CHTF18: variants seen among roughly 807,000 people sequenced by gnomAD.
The protein encoded by CHTF18 is chromosome transmission fidelity factor 18, also known as chromosome transmission fidelity protein 18 homolog.
Under a neutral mutation model 113.4 loss-of-function variants are expected in CHTF18, and 151 were observed. That is an observed-to-expected ratio of 1.33 (90% confidence interval 1.17 to 1.52). The LOEUF (loss-of-function observed/expected upper bound fraction) is 1.52. Ranked by LOEUF, CHTF18 falls within the 40% of genes most tolerant of loss-of-function variation. CHTF18 has a pLI of 0.00. For missense variants in CHTF18, 1,982 were observed against 1,381.6 expected, an observed-to-expected ratio of 1.43 and a Z score of -6.89; for synonymous variants, 916 against 598.8, an observed-to-expected ratio of 1.53 and a Z score of -7.74.
intron 14 of CHTF18, chr16:793,818 A>G: frequency 6.2e-6 from 4 of 648,156 alleles, no homozygotes; most frequent in Non-Finnish European, 1.1e-5. Context: ...CTAACCCCAG[A>G]GGGTCAGGGC....
At chr16:789,394 C>A in intron 3 of CHTF18, 34 bp downstream of exon 3, 1 of 1,555,132 alleles carries the variant, frequency 6.4e-7, no homozygotes, top group Non-Finnish European at 8.7e-7. Flanking sequence ...CCCATCCCAT[C>A]TGTCCAGTGG....
rs763885075 is a variant in CHTF18 at position 796,473 on chromosome 16, C to T, written c.2457-244C>T. On this transcript the variant is annotated intron_variant, in intron 18 of 21. Coordinates refer to ENST00000262315, the MANE Select transcript of CHTF18 (RefSeq NM_022092.3). ...CACCAACTTGCAGGACGCTGAGTCACTCTCCGTGGCAGCCATCGGCAGGTT... is the reference window on the plus strand; with the variant it reads ...CACCAACTTGCAGGACGCTGAGTCATTCTCCGTGGCAGCCATCGGCAGGTT... The T allele has an allele frequency of 6.8e-6, 4 of 585,362 alleles. No homozygotes were observed. In the Admixed American group the frequency reaches 1.0e-4, roughly 15 times the overall value. The allele number at this position is 585,362 out of a possible 1,614,324, so 36.3% of individuals were successfully genotyped here.
intron 4 of CHTF18, 47 bp downstream of exon 4, chr16:789,762 C>T: frequency 6.6e-7 from 1 of 1,518,534 alleles, no homozygotes; most frequent in Non-Finnish European, 8.8e-7. Context: ...CAGTGCTGCT[C>T]AGGAAAGGGT....
rs1433681402 is a variant in CHTF18 at position 793,041 on chromosome 16, C to T, written c.1648C>T (p.Arg550Trp). ...CTGTGAGAAAACTGACAATGACATC[C>T]GGGCCTGCATCAACACCCTGCAGGT... ...ALCEKTDNDI[R>W]ACINTLQFLY... is the part of the protein sequence containing the mutation. Residue 550 changes from arginine to tryptophan, a missense_variant, in exon 13 of 22, where the codon CGG becomes TGG. Physicochemically the swap from Arg to Trp is moderately radical, Grantham distance 101. Transcript: ENST00000262315. 1.9e-6 allele frequency: 3 copies of T among 1,542,554 alleles called. No homozygotes were observed. The highest frequency in any genetic ancestry group is 2.5e-5 in the East Asian group (1 of 40,154).
chr16:790,873 C>T (rs963676454), intron 7 of CHTF18: 16 of 1,431,274 alleles, frequency 1.1e-5, no homozygotes, highest in African/African-American at 5.7e-5. Flanking sequence ...GCTAGGGGTC[C>T]AGGGTGTCAC....
In CHTF18 at chr16:794,738, CA is replaced by C. The variant is rs929076970; in HGVS notation, c.1951-393del. The C allele has an allele frequency of 1.9e-5, 5 of 259,110 alleles. No individual in the cohort carries two copies. In the Admixed American group the frequency reaches 2.5e-4, roughly 13 times the overall value. 16.1% of individuals were successfully genotyped at this position (259,110 alleles called of 1,614,324 possible). A position where few individuals can be genotyped will look rare whatever the true frequency, so the allele number is the denominator to read the frequency against. Reference sequence around the variant, plus strand: ...GGCGGGGATAGACTCCCCCACGGAACAGGGGTGGGGACGCCACGGCCTGGAC... The same window carrying C: ...GGCGGGGATAGACTCCCCCACGGAACGGGGTGGGGACGCCACGGCCTGGAC... On this transcript the variant is annotated intron_variant, in intron 15 of 21. Transcript: ENST00000262315.
Position 798,067 on chromosome 16 carries a change from G to A in CHTF18, c.*92G>A. 6.7e-7 allele frequency: 1 copy of A among 1,490,868 alleles called. No individual in the cohort carries two copies. The highest frequency in any genetic ancestry group is 9.0e-7 in the Non-Finnish European group (1 of 1,107,648). The allele number at this position is 1,490,868 out of a possible 1,614,324, so 92.4% of individuals were successfully genotyped here. A position where few individuals can be genotyped will look rare whatever the true frequency, so the allele number is the denominator to read the frequency against. On this transcript the variant is annotated 3_prime_UTR_variant, in exon 22 of 22. Coordinates refer to ENST00000262315, the MANE Select transcript of CHTF18 (RefSeq NM_022092.3). The stretch of plus-strand genomic sequence containing the variant: ...GTCTTTATAAAGTCACACCTTTACA[G>A]ACTGTAATCACGTGCGAGTGGAGTG...
intron 6 of CHTF18, 43 bp from the exon 7 acceptor site, chr16:790,482 G>A (rs752873756): frequency 4.4e-6 from 7 of 1,607,206 alleles, no homozygotes; most frequent in South Asian, 2.2e-5. Flanking sequence ...GGTTGGCATG[G>A]TCCCTGCGAG....
intron 3 of CHTF18, 85 bp downstream of exon 3, chr16:789,445 G>A (rs1596742766): frequency 6.5e-7 from 1 of 1,537,242 alleles, no homozygotes; most frequent in South Asian, 1.2e-5. Flanking sequence ...ATGAGGCCTG[G>A]GGGGTGGGGA....
chr16:788,927 G>C lies in CHTF18; in HGVS notation c.92-4G>C. 1 of 1,543,910 alleles carries C rather than the reference G, an allele frequency of 6.5e-7. No homozygotes were observed. The highest frequency in any genetic ancestry group is 8.7e-7 in the Non-Finnish European group (1 of 1,154,608). ...CGGCCGCTGACAATCTCCTCTCCCAGCAGGGGCGTCGACTCCGTCGCCCTC... is the reference window on the plus strand; with the variant it reads ...CGGCCGCTGACAATCTCCTCTCCCACCAGGGGCGTCGACTCCGTCGCCCTC... On this transcript the variant is annotated splice_polypyrimidine_tract_variant and splice_region_variant and intron_variant, in intron 1 of 21. Coordinates refer to ENST00000262315, the MANE Select transcript of CHTF18 (RefSeq NM_022092.3).
intron 16 of CHTF18, among the ~76,000 whole-genome samples, 161 bp from the exon 17 acceptor site, chr16:795,518 TGCCCCC>T (rs2042317165): frequency 5.2e-5 from 2 of 38,576 alleles, no homozygotes; most frequent in Non-Finnish European, 8.3e-5. Context: ...CCCGTGTGGC[TGCCCCC>T]GGCCCCGTGC....
chr16:796,544 G>A (rs1197293600), intron 18 of CHTF18, 173 bp from the exon 19 acceptor site: 16 of 703,520 alleles, frequency 2.3e-5, no homozygotes, highest in Admixed American at 3.3e-5. Flanking sequence ...ACTGAGGCTC[G>A]GGGCAGTTAA....
intron 8 of CHTF18, 65 bp downstream of exon 8, chr16:791,435 T>C (rs2151643398): frequency 6.7e-7 from 1 of 1,497,092 alleles, no homozygotes; most frequent in East Asian, 2.5e-5. Flanking sequence ...CCGGCACCCT[T>C]GCAGCCTGTT....
At chr16:792,179 C>G in intron 9 of CHTF18, 45 bp from the exon 10 acceptor site, 1 of 1,542,872 alleles carries the variant, frequency 6.5e-7, no homozygotes, top group Non-Finnish European at 8.8e-7. Flanking sequence ...GCTGCCCTGC[C>G]AGGGACGCCC....
intron 3 of CHTF18, 53 bp downstream of exon 3, chr16:789,413 T>C (rs2042103705): frequency 1.3e-6 from 2 of 1,540,136 alleles, no homozygotes; most frequent in East Asian, 4.6e-5. Flanking sequence ...GGGACTCAGA[T>C]GGAGCCCATC....
Position 796,979 on chromosome 16 carries a change from G to A in CHTF18, c.2620G>A (p.Gly874Arg). ...CCTACAGGTGGATGGGAGCCCCCCA[G>A]GGCTCGAGGGTCTGCTGGGGGGCAT... ...NSPQVDGSPP[G>R]LEGLLGGIGE... Residue 874 changes from glycine (G) to arginine (R), a missense_variant, in exon 20 of 22, where the codon GGG (glycine) becomes AGG (arginine). By Grantham distance (125) the Gly-to-Arg change is moderately radical (BLOSUM62 -2). Transcript: ENST00000262315. The A allele has an allele frequency of 6.5e-7, 1 of 1,529,988 alleles. No individual in the cohort carries two copies. The highest frequency in any genetic ancestry group is 8.8e-7 in the Non-Finnish European group (1 of 1,137,554). 94.8% of individuals were successfully genotyped at this position (1,529,988 alleles called of 1,614,324 possible). A position where few individuals can be genotyped will look rare whatever the true frequency, so the allele number is the denominator to read the frequency against.
rs774472730 is a variant in CHTF18 at position 794,122 on chromosome 16, C to T, written c.1871C>T (p.Ser624Phe). The change falls in exon 15 of 22, where the codon TCC becomes TTC. Residue 624 changes from serine (S) to phenylalanine (F), a missense_variant. Physicochemically the swap from Ser to Phe is radical, Grantham distance 155 (BLOSUM62 -2). Transcript: ENST00000262315. The stretch of plus-strand genomic sequence containing the variant: ...CTGCTGGGTGACGGGGACGCGGGCT[C>T]CCTCACCTCCGCCTCACAGCGATTC... ...TLLLGDGDAG[S>F]LTSASQRFYR... 7 of 1,612,328 alleles carry T rather than the reference C, an allele frequency of 4.3e-6. No individual in the cohort carries two copies. In the Admixed American group the frequency reaches 8.3e-5, roughly 19 times the overall value.
At chr16:790,889 C>G (rs973526306) in intron 7 of CHTF18, 22 of 1,432,190 alleles carry the variant, frequency 1.5e-5, no homozygotes, top group Admixed American at 2.9e-5. Context: ...GTCACCTGAT[C>G]CAAGTCTCTG....
At position 792,490 on chromosome 16, in the gene CHTF18, G is replaced by A; in HGVS notation, c.1378G>A (p.Val460Met). 3 of 1,592,950 alleles carry A rather than the reference G, an allele frequency of 1.9e-6. No individual in the cohort carries two copies. Among genetic ancestry groups the A allele is most frequent in the Non-Finnish European group, 2.6e-6 (3 of 1,170,518 alleles). ...CCTGAACCGCAAGGGGCCACAGGAG[G>A]TGGGGCCACAGGGCCCGGCTGTGCC... ...SILNRKGPQE[V>M]GPQGPAVPSG... is the part of the protein sequence containing the mutation. Residue 460 changes from valine to methionine, a missense_variant, in exon 11 of 22, where the codon GTG becomes ATG. Val to Met is a conservative substitution (Grantham distance 21, BLOSUM62 1). Coordinates refer to ENST00000262315, the MANE Select transcript of CHTF18 (RefSeq NM_022092.3).
Sources: gnomAD v4.1 joint callset for allele counts (sites outside exome capture counted in the v4.1 genomes callset) on GRCh38, gnomAD v4.1.1 for gene constraint, MANE v1.5 for transcripts, NCBI Gene and HGNC (gene_info 2026-07-23, HGNC 2026-07-21) for gene names.